Variants in MUC4 observed in about 807,000 individuals in gnomAD.
MUC4 encodes mucin 4, cell surface associated.
MUC4 carries 202 observed loss-of-function variants against 257.9 expected under a neutral mutation model. The ratio of observed to expected loss-of-function variants is 0.78; its 90% CI spans 0.70 to 0.88. The LOEUF is 0.88. Among genes scored for constraint, MUC4 ranks in the 40% least tolerant of loss-of-function variants. The pLI, the probability that MUC4 is intolerant of heterozygous loss-of-function variation, is 0.00. For synonymous variants in MUC4, 2,351 were observed against 2,757.1 expected, an observed-to-expected ratio of 0.85 and a Z score of 4.62; for missense variants, 5,976 against 6,513.7, an observed-to-expected ratio of 0.92 and a Z score of 2.84.
intron 1 of MUC4, among the ~76,000 whole-genome samples, chr3:195,800,940 A>G (rs1735225650): frequency 6.6e-6 from 1 of 151,824 alleles, no homozygotes; most frequent in African/African-American, 2.4e-5. Context: ...AGGGTGCATC[A>G]GCATTTTAAC....
Position 195,781,826 on chromosome 3 carries a change from T to C in MUC4, c.9754A>G (p.Thr3252Ala), listed in dbSNP as rs1392037629. The change falls in exon 2 of 25, where the codon ACC becomes GCC. Residue 3252 changes from threonine (T) to alanine (A), a missense_variant. Transcript: ENST00000463781. ...CCTGTGGATGCTGAGGAAGTGTCGG[T>C]GACAGGAAGAGAGGTGGCATGACCG... Reference protein sequence around the residue: ...STGHATSLPVTDTSSASTGDT... With the variant: ...STGHATSLPVADTSSASTGDT... The C allele has an allele frequency of 9.7e-7, 1 of 1,029,710 alleles. No homozygotes were observed. The highest frequency in any genetic ancestry group is 1.2e-6 in the Non-Finnish European group (1 of 804,298). 63.8% of individuals were successfully genotyped at this position (1,029,710 alleles called of 1,614,324 possible). A position where few individuals can be genotyped will look rare whatever the true frequency, so the allele number is the denominator to read the frequency against.
Position 195,779,065 on chromosome 3 carries a change from C to T in MUC4, c.12515G>A (p.Gly4172Asp), listed in dbSNP as rs1214137818. Residue 4172 changes from glycine (G) to aspartate (D), a missense_variant, in exon 2 of 25, where the codon GGT becomes GAT. Gly to Asp is a moderately conservative substitution (Grantham distance 94). Transcript: ENST00000463781. ...GGTGACAGGAAGAGGGGTGCCGTGA[C>T]CTGTGGACACTGAGGAAGCGTCGGT... ...PVTDASSVST[G>D]HGTPLPVTST... is the part of the protein sequence containing the mutation. 5.0e-6 allele frequency: 6 copies of T among 1,193,338 alleles called. No individual in the cohort carries two copies. In the African/African-American group the frequency reaches 7.2e-5, roughly 14 times the overall value. 73.9% of individuals were successfully genotyped at this position (1,193,338 alleles called of 1,614,324 possible).
intron 1 of MUC4, among the ~76,000 whole-genome samples, chr3:195,794,088 A>T (rs866591231): frequency 1.7e-4 from 13 of 77,044 alleles, no homozygotes; most frequent in African/African-American, 3.0e-4. Flanking sequence ...TAAAAAATAA[A>T]AATAATAATA....
At position 195,788,968 on chromosome 3, in the gene MUC4, G is replaced by T. The variant is rs1261222284; in HGVS notation, c.2612C>A (p.Thr871Asn). Residue 871 changes from threonine (T) to asparagine (N), a missense_variant, in exon 2 of 25, where the codon ACC (threonine) becomes AAC (asparagine). Physicochemically the swap from Thr to Asn is moderately conservative, Grantham distance 65 (BLOSUM62 0). Coordinates refer to ENST00000463781, the MANE Select transcript of MUC4 (RefSeq NM_018406.7). ...GGCCTCAGAGAGGGTGGGATGAAAG[G>T]TGCCGGGGACGATCGAAGACGCCAT... ...TGMASSIVPG[T>N]FHPTLSEAST... 2.5e-6 allele frequency: 4 copies of T among 1,613,732 alleles called. No homozygotes were observed. Among genetic ancestry groups the T allele is most frequent in the African/African-American group, 1.3e-5 (1 of 74,992 alleles).
At chr3:195,792,882 A>G (rs1734042958) in intron 1 of MUC4, among the ~76,000 whole-genome samples, 1 of 152,210 alleles carries the variant, frequency 6.6e-6, no homozygotes, top group Admixed American at 6.5e-5. Context: ...TAACAGGGGA[A>G]CAGAAAACCA....
In MUC4 at chr3:195,783,949, G is replaced by A. The variant is rs771042444; in HGVS notation, c.7631C>T (p.Ser2544Phe). 11 of 1,522,810 alleles carry A rather than the reference G, an allele frequency of 7.2e-6. No individual in the cohort carries two copies. The highest frequency in any genetic ancestry group is 2.2e-4 in the Middle Eastern group (1 of 4,606). 94.3% of individuals were successfully genotyped at this position (1,522,810 alleles called of 1,614,324 possible). ...ASSLSTRHAT[S>F]LHVTSPSSAS... The stretch of plus-strand genomic sequence containing the variant: ...TGAGGAAGGGCTGGTGACATGAAGA[G>A]AGGTGGCGTGACGTGTGGATAATGA... Residue 2544 changes from serine to phenylalanine, a missense_variant, in exon 2 of 25, where the codon TCT becomes TTT. Coordinates refer to ENST00000463781, the MANE Select transcript of MUC4 (RefSeq NM_018406.7).
At chr3:195,778,511 T>C (rs1725540049) in intron 2 of MUC4, 56 bp from the exon 3 acceptor site, 2 of 1,582,172 alleles carry the variant, frequency 1.3e-6, no homozygotes, top group Non-Finnish European at 1.7e-6. Flanking sequence ...AACAGGAGAG[T>C]CAAAGAGATT....
rs1415703453 is a variant in MUC4, at chr3:195,780,167, G to C, written c.11413C>G (p.Gln3805Glu). 11 of 1,468,448 alleles carry C rather than the reference G, an allele frequency of 7.5e-6. No homozygotes were observed. The highest frequency in any genetic ancestry group is 2.0e-5 in the Admixed American group (1 of 49,020). The allele number at this position is 1,468,448 out of a possible 1,614,324, so 91.0% of individuals were successfully genotyped here. A position where few individuals can be genotyped will look rare whatever the true frequency, so the allele number is the denominator to read the frequency against. The change falls in exon 2 of 25, where the codon CAG becomes GAG. Residue 3805 changes from glutamine (Q) to glutamate (E), a missense_variant. By Grantham distance (29) the Gln-to-Glu change is conservative. Coordinates refer to ENST00000463781, the MANE Select transcript of MUC4 (RefSeq NM_018406.7). ...VTDTSSASTG[Q>E]ATPLPVTSLS... ...CTGGTGACAGGAAGAGGGGTGGCCT[G>C]ACCTGTGGATGCTGAGGAAGTGTCG...
chr3:195,770,681 C>T (rs1722600734), intron 5 of MUC4: 1 of 481,290 alleles, frequency 2.1e-6, no homozygotes, highest in South Asian at 2.1e-5. Flanking sequence ...CTTTTACCTC[C>T]CCATGCCTAA....
At chr3:195,764,305 T>A in intron 10 of MUC4, 141 bp from the exon 11 acceptor site, 1 of 975,684 alleles carries the variant, frequency 1.0e-6, no homozygotes, top group Admixed American at 2.4e-5. Context: ...GGTGGAGAGC[T>A]TGGCAGGGCA....
At chr3:195,756,643 T>TCTCC (rs1717721455) in intron 18 of MUC4, among the ~76,000 whole-genome samples, 1 of 8,520 alleles carries the variant, frequency 1.2e-4, no homozygotes, top group Non-Finnish European at 3.8e-4. Context: ...TCCTTCTTTC[T>TCTCC]TTCTTTTCTT....
chr3:195,799,897 G>A (rs1451001060), intron 1 of MUC4, among the ~76,000 whole-genome samples: 1 of 152,076 alleles, frequency 6.6e-6, no homozygotes, highest in East Asian at 1.9e-4. Flanking sequence ...GAGTGTGCCT[G>A]TTTCCCCATA....
At position 195,763,470 on chromosome 3, in the gene MUC4, G is replaced by C; in HGVS notation, c.14216C>G (p.Ala4739Gly). Residue 4739 changes from alanine to glycine, a missense_variant, in exon 12 of 25, where the codon GCG (alanine) becomes GGG (glycine). Ala to Gly is a moderately conservative substitution (Grantham distance 60, BLOSUM62 0). Coordinates refer to ENST00000463781, the MANE Select transcript of MUC4 (RefSeq NM_018406.7). ...CAGGCTGCTGGAGCGGTACTGAGCC[G>C]CAAAGGCGATGAAGTTGGTGGCCTG... ...SAQATNFIAF[A>G]AQYRSSSLGP... The C allele has an allele frequency of 6.7e-7, 1 of 1,492,284 alleles. No homozygotes were observed. Among genetic ancestry groups the C allele is most frequent in the Non-Finnish European group, 9.0e-7 (1 of 1,113,880 alleles). 92.4% of individuals were successfully genotyped at this position (1,492,284 alleles called of 1,614,324 possible). A position where few individuals can be genotyped will look rare whatever the true frequency, so the allele number is the denominator to read the frequency against.
Position 195,770,330 on chromosome 3 carries a change from C to G in MUC4, c.13284G>C (p.Gln4428His). Residue 4428 changes from glutamine (Q) to histidine (H), a missense_variant, in exon 6 of 25, where the codon CAG becomes CAC. Physicochemically the swap from Gln to His is conservative, Grantham distance 24 (BLOSUM62 0). Coordinates refer to ENST00000463781, the MANE Select transcript of MUC4 (RefSeq NM_018406.7). ...TFYGEHSLLV[Q>H]QAESWIRKMT... ...TCTTTCTAATCCAAGACTCGGCCTGCTGGACTAGCAGGCTGTGTTCACCAT... is the reference window on the plus strand; with the variant it reads ...TCTTTCTAATCCAAGACTCGGCCTGGTGGACTAGCAGGCTGTGTTCACCAT... 6.2e-7 allele frequency: 1 copy of G among 1,614,044 alleles called. No homozygotes were observed. Among genetic ancestry groups the G allele is most frequent in the Non-Finnish European group, 8.5e-7 (1 of 1,179,990 alleles).
intron 1 of MUC4, among the ~76,000 whole-genome samples, chr3:195,803,289 C>T (rs1211699234): frequency 6.6e-6 from 1 of 152,222 alleles, no homozygotes; most frequent in African/African-American, 2.4e-5. Context: ...CCGATTCTTG[C>T]GTGCCTTCCT....
intron 18 of MUC4, among the ~76,000 whole-genome samples, chr3:195,754,787 TATCCATGC>T (rs1717200205): frequency 6.6e-6 from 1 of 152,116 alleles, no homozygotes; most frequent in African/African-American, 2.4e-5. Flanking sequence ...TGTATGTGTG[TATCCATGC>T]ATGTATGCAT....
chr3:195,788,738 T>G lies in MUC4; in HGVS notation c.2842A>C (p.Thr948Pro). The change falls in exon 2 of 25, where the codon ACA becomes CCA. Residue 948 changes from threonine (T) to proline (P), a missense_variant. Physicochemically the swap from Thr to Pro is conservative, Grantham distance 38. This residue lies in a region of MUC4 where 1,583 missense variants were observed against 1,257.4 expected (regional missense o/e 1.26). Coordinates refer to ENST00000463781, the MANE Select transcript of MUC4 (RefSeq NM_018406.7). The part of the protein sequence containing the change: ...TPPSITSTGL[T>P]SPQTETHTLS... ...GTGTGGGTCTCGGTTTGTGGAGATG[T>G]AAGCCCAGTGGATGTGATCGATGGA... The G allele has an allele frequency of 6.2e-7, 1 of 1,611,406 alleles. No homozygotes were observed. Among genetic ancestry groups the G allele is most frequent in the Non-Finnish European group, 8.5e-7 (1 of 1,179,254 alleles).
chr3:195,780,204 A>T lies in MUC4; in HGVS notation c.11376T>A (p.Pro3792=). ...ASSASTGDTT[P]LPVTDTSSAS... ...CTGAGGAAGTGTCGGTGACAGGAAG[A>T]GGGGTGGTGTCACCTGTGGATGCTG... The change falls in exon 2 of 25, where the codon CCT becomes CCA. Residue 3792 remains proline, a synonymous_variant. Coordinates refer to ENST00000463781, the MANE Select transcript of MUC4 (RefSeq NM_018406.7). 2.7e-6 allele frequency: 4 copies of T among 1,472,600 alleles called. No homozygotes were observed. The South Asian group carries it at 3.7e-5, about 14-fold the overall frequency. The allele number at this position is 1,472,600 out of a possible 1,614,324, so 91.2% of individuals were successfully genotyped here.
rs553689416 is a variant in MUC4, at chr3:195,789,391, G to A, written c.2189C>T (p.Thr730Met). The change falls in exon 2 of 25, where the codon ACG becomes ATG. Residue 730 changes from threonine (T) to methionine (M), a missense_variant. By Grantham distance (81) the Thr-to-Met change is moderately conservative. Around this residue, in one of 44 missense-constraint regions of MUC4, gnomAD observed 1,583 missense variants for 1,257.4 expected, o/e 1.26. Transcript: ENST00000463781. ...HDATLGPSGG[T>M]SLSKTGALTL... ...AAGGGCACCTGTTTTGGAAAGTGAC[G>A]TGCCTCCTGAGGGCCCCAGGGTGGC... is the stretch of plus-strand genomic sequence containing the variant. 589 of 1,613,926 alleles carry A rather than the reference G, an allele frequency of 3.6e-4. 6 individuals carry two copies. The South Asian group carries it at 5.7e-3, about 16-fold the overall frequency.
Sources: allele counts gnomAD v4.1 joint callset (sites outside exome capture counted in the v4.1 genomes callset), GRCh38; gene constraint gnomAD v4.1.1; regional missense constraint gnomAD v4.1.1; transcripts MANE v1.5; gene names NCBI Gene and HGNC (gene_info 2026-07-23, HGNC 2026-07-21).